The following KIAA0930 variants were observed in gnomAD, a reference collection of about 807,000 sequenced individuals.
The protein encoded by KIAA0930 is uncharacterized protein KIAA0930.
In KIAA0930, 24 loss-of-function variants were observed where a neutral mutation model predicts 43.9. That is an observed-to-expected ratio of 0.55 (90% CI 0.40 to 0.77). KIAA0930 has a LOEUF of 0.77. Ranked by LOEUF, KIAA0930 falls within the 30% of genes least tolerant of loss-of-function variation. KIAA0930 has a pLI of 0.00. For synonymous variants in KIAA0930, 259 were observed against 216.4 expected, an observed-to-expected ratio of 1.20 and a Z score of -1.73; for missense variants, 461 against 574.2, an observed-to-expected ratio of 0.80 and a Z score of 2.02.
chr22:45,204,405 C>G (rs1197152888), intron 5 of KIAA0930, among the ~76,000 whole-genome samples: 3 of 152,186 alleles, frequency 2.0e-5, no homozygotes, highest in Non-Finnish European at 4.4e-5. Context: ...GACTAAGGTG[C>G]CACAGGCCCC....
At chr22:45,213,252 C>T in intron 1 of KIAA0930, 1 of 1,217,592 alleles carries the variant, frequency 8.2e-7, no homozygotes, top group Non-Finnish European at 1.1e-6. Context: ...CCAGCCCCAG[C>T]CCTCGGCCCT....
intron 1 of KIAA0930, among the ~76,000 whole-genome samples, chr22:45,224,815 C>A (rs1435538783): frequency 6.6e-6 from 1 of 152,136 alleles, no homozygotes; most frequent in Admixed American, 6.5e-5. Context: ...AGCCCTGAGG[C>A]TGAGGAAGTA....
At chr22:45,234,224 G>C (rs1264787910) in intron 1 of KIAA0930, among the ~76,000 whole-genome samples, 4 of 152,170 alleles carry the variant, frequency 2.6e-5, no homozygotes, top group Non-Finnish European at 5.9e-5. Flanking sequence ...GTGCGTGTGG[G>C]TGCCGTTGGG....
intron 2 of KIAA0930, among the ~76,000 whole-genome samples, chr22:45,210,106 A>T (rs145586655): frequency 6.6e-6 from 1 of 152,324 alleles, no homozygotes; most frequent in African/African-American, 2.4e-5. Context: ...CTCTGGAATC[A>T]AAATTCAAAG....
intron 1 of KIAA0930, 98 bp downstream of exon 1, chr22:45,240,536 GCAGAGA>G: frequency 1.3e-6 from 1 of 753,760 alleles, no homozygotes; most frequent in East Asian, 3.3e-5. Context: ...CGACACCCGC[GCAGAGA>G]CAGAGATGCG....
Position 45,192,880 on chromosome 22 carries a change from G to A in KIAA0930, c.*4296C>T, listed in dbSNP as rs2083501792. ...CAGGGCTCGGAGAAGGGGCTCAGGG[G>A]TCCTTTTGCCACTGAGGATCAAGCC... On this transcript the variant is annotated 3_prime_UTR_variant, in exon 10 of 10. Transcript: ENST00000336156. 2 of 152,234 alleles carry A rather than the reference G, an allele frequency of 1.3e-5. No individual in the cohort carries two copies. The highest frequency in any genetic ancestry group is 6.5e-5 in the Admixed American group (1 of 15,286). The allele number at this position is 152,234 out of a possible 1,614,324, so 9.4% of individuals were successfully genotyped here. A position where few individuals can be genotyped will look rare whatever the true frequency, so the allele number is the denominator to read the frequency against.
At chr22:45,209,479 C>T (rs62231106) in intron 2 of KIAA0930, among the ~76,000 whole-genome samples, 7,239 of 152,280 alleles carry the variant, frequency 0.048, 246 homozygotes, top group Middle Eastern at 0.12. Flanking sequence ...TCTGGCAGGT[C>T]CCATGTGGCA....
chr22:45,224,509 G>A lies in KIAA0930; in HGVS notation c.65-12402C>T, dbSNP rs577644434. ...GGACATGGCAGGAGGGAGACTGCCC[G>A]GCTCCCGCGGTTGGAAGCTGGTGTT... On this transcript the variant is annotated intron_variant, in intron 1 of 9. Transcript: ENST00000336156. 3.9e-5 allele frequency among the ~76,000 whole-genome samples: 6 copies of A among 152,020 alleles called. No individual in the cohort carries two copies. In the South Asian group the frequency reaches 1.0e-3, roughly 26 times the overall value.
intron 7 of KIAA0930, among the ~76,000 whole-genome samples, chr22:45,201,661 C>T (rs2083590119): frequency 6.6e-6 from 1 of 152,210 alleles, no homozygotes; most frequent in Non-Finnish European, 1.5e-5. Context: ...AAGAGAGGCC[C>T]CTGCCTGGAA....
intron 1 of KIAA0930, among the ~76,000 whole-genome samples, chr22:45,228,658 C>G (rs1290631157): frequency 2.6e-5 from 4 of 152,092 alleles, no homozygotes; most frequent in Admixed American, 6.6e-5. Context: ...AGTTCCCCAA[C>G]AAATGATCAC....
chr22:45,199,519 C>A (rs538908967), intron 8 of KIAA0930, among the ~76,000 whole-genome samples: 1 of 152,356 alleles, frequency 6.6e-6, no homozygotes, highest in East Asian at 1.9e-4. Context: ...TCCCGCCACA[C>A]CCCGTGTGTG....
Position 45,197,100 on chromosome 22 carries a change from G to T in KIAA0930, c.*76C>A. 1 of 1,263,504 alleles carries T rather than the reference G, an allele frequency of 7.9e-7. No individual in the cohort carries two copies. Among genetic ancestry groups the T allele is most frequent in the Non-Finnish European group, 1.1e-6 (1 of 926,836 alleles). The allele number at this position is 1,263,504 out of a possible 1,614,324, so 78.3% of individuals were successfully genotyped here. ...TGGCGTGCCATCGCAGACCCCGGTGGCGGTGGACAGGTAGGCACTTGGCAG... is the reference window on the plus strand; with the variant it reads ...TGGCGTGCCATCGCAGACCCCGGTGTCGGTGGACAGGTAGGCACTTGGCAG... On this transcript the variant is annotated 3_prime_UTR_variant, in exon 10 of 10. Coordinates refer to ENST00000336156, the MANE Select transcript of KIAA0930 (RefSeq NM_001009880.2).
rs890158413 is a variant in KIAA0930, at chr22:45,197,025, G to A, written c.*151C>T. ...AGTTTGGGCTGGTGTTCGTGGAGTC[G>A]GCCCCGGCCCCGGGAGTCGAGTGGC... On this transcript the variant is annotated 3_prime_UTR_variant, in exon 10 of 10. Coordinates refer to ENST00000336156, the MANE Select transcript of KIAA0930 (RefSeq NM_001009880.2). 2.1e-5 allele frequency: 13 copies of A among 620,260 alleles called. No individual in the cohort carries two copies. The highest frequency in any genetic ancestry group is 5.8e-5 in the African/African-American group (3 of 51,824). 38.4% of individuals were successfully genotyped at this position (620,260 alleles called of 1,614,324 possible).
rs2083508216 is a variant in KIAA0930, at chr22:45,193,469, A to C, written c.*3707T>G. The C allele has an allele frequency of 6.6e-6, 1 of 152,198 alleles. No individual in the cohort carries two copies. Among genetic ancestry groups the C allele is most frequent in the Non-Finnish European group, 1.5e-5 (1 of 68,052 alleles). The allele number at this position is 152,198 out of a possible 1,614,324, so 9.4% of individuals were successfully genotyped here. A position where few individuals can be genotyped will look rare whatever the true frequency, so the allele number is the denominator to read the frequency against. On this transcript the variant is annotated 3_prime_UTR_variant, in exon 10 of 10. Transcript: ENST00000336156. ...CTTTGTTCTTCAAAAGTCTTCTACT[A>C]ACTAGTCTATTTATGATTAAAACAG...
chr22:45,202,707 A>C, intron 7 of KIAA0930: 1 of 330,270 alleles, frequency 3.0e-6, no homozygotes, highest in Non-Finnish European at 5.5e-6. Flanking sequence ...GGGAGGCAGA[A>C]AGAGCTCTGG....
At chr22:45,226,495 A>G (rs1183861882) in intron 1 of KIAA0930, 1 of 347,006 alleles carries the variant, frequency 2.9e-6, no homozygotes, top group Non-Finnish European at 5.9e-6. Context: ...CTAAGCAACA[A>G]TTCCCACAAA....
At chr22:45,201,022 T>A (rs1216958025) in intron 7 of KIAA0930, 1 of 532,342 alleles carries the variant, frequency 1.9e-6, no homozygotes, top group African/African-American at 1.9e-5. Flanking sequence ...CTCCTCCCCA[T>A]GCCAACAATA....
intron 1 of KIAA0930, among the ~76,000 whole-genome samples, chr22:45,227,121 G>A (rs1173499873): frequency 2.0e-5 from 3 of 152,198 alleles, no homozygotes; most frequent in Non-Finnish European, 4.4e-5. Context: ...CCACCCTTGT[G>A]CCCAGCACCC....
chr22:45,217,246 A>G (rs11090734), intron 1 of KIAA0930, among the ~76,000 whole-genome samples: 113,396 of 151,422 alleles, frequency 0.75, 42,621 homozygotes, highest in East Asian at 0.84. Context: ...CTGTAATCCC[A>G]GCTATTTGGG....
Sources: gnomAD v4.1 joint callset for allele counts (sites outside exome capture counted in the v4.1 genomes callset) on GRCh38, gnomAD v4.1.1 for gene constraint, MANE v1.5 for transcripts, NCBI Gene and HGNC (gene_info 2026-07-23, HGNC 2026-07-21) for gene names.